Variants in KANSL1L observed in about 807,000 individuals in gnomAD.
KANSL1L encodes the protein KAT8 regulatory NSL complex subunit 1 like, also known as KAT8 regulatory NSL complex subunit 1-like protein.
A neutral mutation model predicts 108.6 loss-of-function variants in KANSL1L; 25 were observed. The ratio of observed to expected loss-of-function variants is 0.23; its 90% CI spans 0.17 to 0.32. The LOEUF is 0.32. KANSL1L is among the 10% of genes least tolerant of loss of function. KANSL1L has a pLI of 1.00. For synonymous variants in KANSL1L, 405 were observed against 395.1 expected (o/e 1.03, Z -0.30); for missense variants, 1,137 against 1,125.7 (o/e 1.01, Z -0.14).
chr2:210,156,712 C>T (rs922879501), intron 1 of KANSL1L, among the ~76,000 whole-genome samples: 1 of 151,884 alleles, frequency 6.6e-6, no homozygotes, highest in African/African-American at 2.4e-5. Flanking sequence ...AGTTAAGTTC[C>T]ATGAAACAGA....
chr2:210,116,207 G>T (rs1192998624), intron 3 of KANSL1L, among the ~76,000 whole-genome samples: 2 of 152,160 alleles, frequency 1.3e-5, no homozygotes, highest in African/African-American at 2.4e-5. Context: ...CTCTGCTTGA[G>T]GAAAGAGGAA....
At chr2:210,168,238 C>A (rs904330022) in intron 1 of KANSL1L, among the ~76,000 whole-genome samples, 1 of 151,906 alleles carries the variant, frequency 6.6e-6, no homozygotes, top group African/African-American at 2.4e-5. Context: ...CTTGATGAAC[C>A]CAATCAGTAA....
chr2:210,161,883 A>G (rs1007430473), intron 1 of KANSL1L, among the ~76,000 whole-genome samples: 1 of 151,692 alleles, frequency 6.6e-6, no homozygotes, highest in African/African-American at 2.4e-5. Context: ...AATTTTTTAA[A>G]ATTTTTATTT....
chr2:210,141,160 CTCTGTTTTCTT>C (rs1472048085), intron 2 of KANSL1L, among the ~76,000 whole-genome samples: 8 of 84,088 alleles, frequency 9.5e-5, no homozygotes, highest in Admixed American at 2.8e-4. Context: ...CCCCACTCCT[CTCTGTTTTCTT>C]TCTTTTCTTT....
intron 3 of KANSL1L, among the ~76,000 whole-genome samples, chr2:210,110,640 AAAATT>A (rs1170849103): frequency 6.6e-6 from 1 of 152,222 alleles, no homozygotes; most frequent in Non-Finnish European, 1.5e-5. Context: ...ATGAGATTAA[AAAATT>A]AAAGAGTGGT....
At chr2:210,039,652 T>C (rs2094143619) in intron 8 of KANSL1L, among the ~76,000 whole-genome samples, 1 of 151,890 alleles carries the variant, frequency 6.6e-6, no homozygotes, top group African/African-American at 2.4e-5. Flanking sequence ...CTTCCAAGCA[T>C]AGAACTCACC....
At chr2:210,091,784 CCTT>C (rs980140634) in intron 5 of KANSL1L, among the ~76,000 whole-genome samples, 2 of 152,004 alleles carry the variant, frequency 1.3e-5, no homozygotes, top group Admixed American at 6.6e-5. Flanking sequence ...GTTCTTGAAC[CCTT>C]CTTCATCCCA....
Position 210,098,113 on chromosome 2 carries a change from T to G in KANSL1L, c.1523A>C (p.Lys508Thr). 2 of 1,610,330 alleles carry G rather than the reference T, an allele frequency of 1.2e-6. No individual in the cohort carries two copies. The part of the protein sequence containing the change: ...SPLSSKSCSH[K>T]CLANGIYRSA... ...CCTGTAAATGCCATTAGCCAGACATTTATGGCTACAGGATTTGGAAGAGAG... is the reference window on the plus strand; with the variant it reads ...CCTGTAAATGCCATTAGCCAGACATGTATGGCTACAGGATTTGGAAGAGAG... The change falls in exon 5 of 15, where the codon AAA becomes ACA. Residue 508 changes from lysine to threonine, a missense_variant. Around this residue, in one of 3 missense-constraint regions of KANSL1L, gnomAD observed 575 missense variants for 567.1 expected, o/e 1.01. Transcript: ENST00000281772.
At position 210,079,654 on chromosome 2, in the gene KANSL1L, A is replaced by ATATGTATGTG. The variant is rs2094571628; in HGVS notation, c.1551-3899_1551-3898insCACATACATA. Among the ~76,000 whole-genome samples, 5 of 18,424 alleles carry ATATGTATGTG rather than the reference A, an allele frequency of 2.7e-4. 1 individual carries two copies. Among genetic ancestry groups the ATATGTATGTG allele is most frequent in the African/African-American group, 7.4e-4 (5 of 6,714 alleles). 12.1% of individuals were successfully genotyped at this position (18,424 alleles called of 152,430 possible). ...TATATATATATATATATATATATAT[A>ATATGTATGTG]TATATATATATGTATGTGTGTATAT... On this transcript the variant is annotated intron_variant, in intron 5 of 14. Transcript: ENST00000281772.
intron 7 of KANSL1L, among the ~76,000 whole-genome samples, chr2:210,043,040 C>T (rs914221740): frequency 7.9e-5 from 12 of 152,082 alleles, no homozygotes; most frequent in Non-Finnish European, 1.5e-4. Flanking sequence ...TTTTCTTTCT[C>T]CCCTAAATAT....
chr2:210,106,552 T>C (rs961875567), intron 3 of KANSL1L, among the ~76,000 whole-genome samples: 7 of 152,166 alleles, frequency 4.6e-5, no homozygotes, highest in Non-Finnish European at 7.4e-5. Flanking sequence ...GTGGATCACT[T>C]GAGGCCAGGA....
intron 12 of KANSL1L, among the ~76,000 whole-genome samples, chr2:210,027,063 G>A (rs1220165008): frequency 6.6e-5 from 10 of 152,146 alleles, no homozygotes; most frequent in Non-Finnish European, 1.0e-4. Flanking sequence ...TAGCCACCGC[G>A]CCCGGCCTTG....
upstream of KANSL1L, chr2:210,171,555 A>C (rs1190374276): frequency 6.6e-6 from 1 of 150,900 alleles, no homozygotes; most frequent in African/African-American, 2.4e-5. Context: ...CAGGAGCACG[A>C]CTCCCTTAAC....
At position 210,022,193 on chromosome 2, in the gene KANSL1L, G is replaced by GAAAGT. The variant is rs1179332609; in HGVS notation, c.*751_*755dup. ...TGCTTTATTTTGTTAGGAGTAAACA[G>GAAAGT]AAAGTAGCCTGTGTTTAGTCCCAAA... On this transcript the variant is annotated 3_prime_UTR_variant, in exon 15 of 15. Transcript: ENST00000281772. 3.3e-5 allele frequency: 5 copies of GAAAGT among 151,972 alleles called. No individual in the cohort carries two copies. In the East Asian group the frequency reaches 9.6e-4, roughly 29 times the overall value. The allele number at this position is 151,972 out of a possible 1,614,324, so 9.4% of individuals were successfully genotyped here.
At chr2:210,065,080 G>A (rs187698511) in intron 6 of KANSL1L, among the ~76,000 whole-genome samples, 3 of 151,644 alleles carry the variant, frequency 2.0e-5, no homozygotes, top group Admixed American at 2.0e-4. Context: ...GATCACCTGA[G>A]GTTAGGAGTT....
intron 6 of KANSL1L, chr2:210,063,849 T>C (rs1053372531): frequency 6.6e-5 from 10 of 152,172 alleles, no homozygotes; most frequent in African/African-American, 1.9e-4. Context: ...TCTGAGTTGA[T>C]GCTGAAATGA....
upstream of KANSL1L, among the ~76,000 whole-genome samples, chr2:210,172,753 A>ATT (rs1243300915): frequency 6.6e-6 from 1 of 152,250 alleles, no homozygotes; most frequent in Admixed American, 6.5e-5. Context: ...TGCAAAAATG[A>ATT]ATAAAGTATT....
At chr2:210,101,623 T>C (rs918671795) in intron 4 of KANSL1L, among the ~76,000 whole-genome samples, 4 of 152,118 alleles carry the variant, frequency 2.6e-5, no homozygotes, top group Non-Finnish European at 2.9e-5. Flanking sequence ...AGTGGGAATA[T>C]AGAAATATAA....
intron 5 of KANSL1L, among the ~76,000 whole-genome samples, chr2:210,079,654 A>ATGTATGTG (rs2094571586): frequency 1.1e-4 from 2 of 18,418 alleles, no homozygotes; most frequent in African/African-American, 1.5e-4. Context: ...ATATATATAT[A>ATGTATGTG]TATATATATA....
Sources: allele counts gnomAD v4.1 joint callset (sites outside exome capture counted in the v4.1 genomes callset), GRCh38; gene constraint gnomAD v4.1.1; regional missense constraint gnomAD v4.1.1; transcripts MANE v1.5; gene names NCBI Gene and HGNC (gene_info 2026-07-23, HGNC 2026-07-21).